The following PTPRE variants were observed in gnomAD, a reference collection of about 807,000 sequenced individuals.
PTPRE encodes the protein protein tyrosine phosphatase receptor type E, also known as receptor-type tyrosine-protein phosphatase epsilon.
PTPRE carries 51 observed loss-of-function variants against 102.0 expected under a neutral mutation model. That is an observed-to-expected ratio of 0.50 (90% confidence interval 0.40 to 0.63). PTPRE has a LOEUF of 0.63. PTPRE is among the 30% of genes least tolerant of loss of function. The probability of loss-of-function intolerance (pLI) is 0.00; values close to 1 mark genes in which losing one functional copy is unlikely to be tolerated. For missense variants in PTPRE, 752 were observed against 915.1 expected (o/e 0.82, Z 2.30); for synonymous variants, 345 against 348.2 (o/e 0.99, Z 0.10).
chr10:128,049,796 G>T, intron 6 of PTPRE, 130 bp downstream of exon 6: 2 of 1,303,146 alleles, frequency 1.5e-6, no homozygotes, highest in Admixed American at 4.8e-5. Flanking sequence ...TCCCATGAAT[G>T]GGCGTGTGAG....
At chr10:127,980,997 A>C (rs1851565651) in intron 1 of PTPRE, among the ~76,000 whole-genome samples, 1 of 152,238 alleles carries the variant, frequency 6.6e-6, no homozygotes, top group African/African-American at 2.4e-5. Flanking sequence ...ATAGCAGCCT[A>C]ATCAATAATC....
In PTPRE at chr10:128,003,203, G is replaced by C. The variant is rs935741010; in HGVS notation, c.-8+20907G>C. ...CATTGGTGATGAGAGACATAGCTGA[G>C]ATGATTCTTATAAACCACTCAGCAC... On this transcript the variant is annotated intron_variant, in intron 2 of 20. Transcript: ENST00000254667. 4.6e-5 allele frequency among the ~76,000 whole-genome samples: 7 copies of C among 152,174 alleles called. No homozygotes were observed. In the South Asian group the frequency reaches 1.5e-3, roughly 32 times the overall value.
rs1851963015 is a variant in PTPRE at position 128,084,545 on chromosome 10, C to G, written c.*1639C>G. ...GCCCAGCTGGAAGGACGAAAGCACA[C>G]TTTGTGACCGCCATCCTCACCAGCT... On this transcript the variant is annotated 3_prime_UTR_variant, in exon 21 of 21. Coordinates refer to ENST00000254667, the MANE Select transcript of PTPRE (RefSeq NM_006504.6). 6.6e-6 allele frequency: 1 copy of G among 152,286 alleles called. No homozygotes were observed. Among genetic ancestry groups the G allele is most frequent in the African/African-American group, 2.4e-5 (1 of 41,458 alleles). 9.4% of individuals were successfully genotyped at this position (152,286 alleles called of 1,614,324 possible).
intron 1 of PTPRE, among the ~76,000 whole-genome samples, chr10:127,942,204 T>C (rs927796297): frequency 1.3e-5 from 2 of 152,146 alleles, no homozygotes; most frequent in Non-Finnish European, 2.9e-5. Flanking sequence ...TCCAGGTAGA[T>C]GGTTTAAGCA....
intron 1 of PTPRE, among the ~76,000 whole-genome samples, chr10:127,968,719 A>C (rs2135415560): frequency 6.6e-6 from 1 of 152,356 alleles, no homozygotes; most frequent in East Asian, 1.9e-4. Context: ...TGGGCTTCTA[A>C]TCTGTGAAGT....
chr10:128,050,467 AGATGGATG>A (rs140763588), intron 6 of PTPRE, among the ~76,000 whole-genome samples: 1 of 149,978 alleles, frequency 6.7e-6, no homozygotes, highest in African/African-American at 2.5e-5. Context: ...GTGGGAGGGC[AGATGGATG>A]GATGGATGGA....
chr10:128,003,939 C>T (rs1854241816), intron 2 of PTPRE, among the ~76,000 whole-genome samples: 1 of 151,974 alleles, frequency 6.6e-6, no homozygotes, highest in Non-Finnish European at 1.5e-5. Context: ...ATTCCCACCC[C>T]AGCGCGTCTG....
intron 1 of PTPRE, among the ~76,000 whole-genome samples, chr10:127,976,878 G>A (rs556223424): frequency 1.9e-3 from 295 of 152,316 alleles, no homozygotes; most frequent in African/African-American, 6.8e-3. Context: ...ATTCAGAAAC[G>A]TTTTGCTTTC....
chr10:127,987,258 C>T, intron 2 of PTPRE: 3 of 1,056,446 alleles, frequency 2.8e-6, no homozygotes, highest in Non-Finnish European at 3.6e-6. Flanking sequence ...CCTATATAAA[C>T]TCATGTCTCG....
In PTPRE at chr10:128,066,011, G is replaced by C. The variant is rs752141951; in HGVS notation, c.724-64G>C. 5.6e-6 allele frequency: 9 copies of C among 1,610,290 alleles called. No individual in the cohort carries two copies. The Admixed American group carries it at 1.2e-4, about 21-fold the overall frequency. Reference sequence around the variant, plus strand: ...TGTGTGAGGCCTTCTGTAGTTGGGTGGGGGGATGTCATGATGCATTGCACC... The same window carrying C: ...TGTGTGAGGCCTTCTGTAGTTGGGTCGGGGGATGTCATGATGCATTGCACC... On this transcript the variant is annotated intron_variant, in intron 10 of 20. Coordinates refer to ENST00000254667, the MANE Select transcript of PTPRE (RefSeq NM_006504.6).
intron 1 of PTPRE, among the ~76,000 whole-genome samples, chr10:127,920,658 C>T (rs1242231889): frequency 6.6e-6 from 1 of 152,190 alleles, no homozygotes. Context: ...TGTGATACCA[C>T]CCCATACACT....
At chr10:127,943,265 A>G (rs1183672576) in intron 1 of PTPRE, among the ~76,000 whole-genome samples, 1 of 152,084 alleles carries the variant, frequency 6.6e-6, no homozygotes. Flanking sequence ...AAAAATCTGG[A>G]TTGTTTCAAG....
chr10:128,062,953 G>A (rs1440163361), intron 9 of PTPRE, 130 bp from the exon 10 acceptor site: 11 of 1,469,272 alleles, frequency 7.5e-6, no homozygotes, highest in South Asian at 1.4e-5. Flanking sequence ...GGCATGACGT[G>A]TGTGTCCCCA....
chr10:128,069,667 G>A (rs375397139), intron 12 of PTPRE, 25 bp from the exon 13 acceptor site: 19 of 1,613,240 alleles, frequency 1.2e-5, no homozygotes, highest in African/African-American at 2.7e-5. Flanking sequence ...GACTCACGAC[G>A]CAGCATCTTT....
intron 1 of PTPRE, among the ~76,000 whole-genome samples, chr10:127,956,532 A>G (rs1460869862): frequency 2.0e-5 from 3 of 152,248 alleles, no homozygotes; most frequent in Non-Finnish European, 2.9e-5. Context: ...GCTGCTATAT[A>G]CATACATATG....
At chr10:128,082,732 T>C in intron 20 of PTPRE, 100 bp from the exon 21 acceptor site, 1 of 1,335,542 alleles carries the variant, frequency 7.5e-7, no homozygotes, top group Non-Finnish European at 1.0e-6. Flanking sequence ...TTTTAATGAA[T>C]AGTCACACTT....
At chr10:128,011,086 G>A (rs933069452) in intron 2 of PTPRE, among the ~76,000 whole-genome samples, 3 of 152,182 alleles carry the variant, frequency 2.0e-5, no homozygotes, top group Non-Finnish European at 4.4e-5. Context: ...GATTCCGTGG[G>A]AAGAAAGCCA....
chr10:127,931,509 A>ATCTT (rs1327013010), intron 1 of PTPRE, among the ~76,000 whole-genome samples: 2 of 152,134 alleles, frequency 1.3e-5, no homozygotes, highest in Non-Finnish European at 2.9e-5. Context: ...TTCCCACCCC[A>ATCTT]TCTTTCTTTC....
intron 1 of PTPRE, among the ~76,000 whole-genome samples, chr10:127,958,756 A>G (rs1849578340): frequency 6.6e-6 from 1 of 152,316 alleles, no homozygotes; most frequent in South Asian, 2.1e-4. Flanking sequence ...GAGATCATAG[A>G]AAATTGATTT....
Sources: gnomAD v4.1 joint callset for allele counts (sites outside exome capture counted in the v4.1 genomes callset) on GRCh38, gnomAD v4.1.1 for gene constraint, MANE v1.5 for transcripts, NCBI Gene and HGNC (gene_info 2026-07-23, HGNC 2026-07-21) for gene names.